Variants in CLVS1 observed in about 807,000 individuals in gnomAD.
CLVS1 encodes the protein clavesin 1.
CLVS1 carries 10 observed loss-of-function variants against 33.1 expected under a neutral mutation model. The observed-to-expected ratio is 0.30, with a 90% CI of 0.19 to 0.51. CLVS1 has a LOEUF of 0.51. Ranked by LOEUF, CLVS1 falls within the 20% of genes least tolerant of loss-of-function variation. The pLI is 0.97. For missense variants in CLVS1, 343 were observed against 433.4 expected (o/e 0.79, Z 1.85); for synonymous variants, 163 against 166.1 (o/e 0.98, Z 0.14).
intron 2 of CLVS1, among the ~76,000 whole-genome samples, chr8:61,276,835 A>AG (rs765286856): frequency 1.2e-4 from 18 of 152,234 alleles, no homozygotes; most frequent in Non-Finnish European, 2.4e-4. Flanking sequence ...TGGGAGGGTC[A>AG]GGGAGGACAA....
At chr8:61,251,693 A>T (rs1043930427) in intron 2 of CLVS1, among the ~76,000 whole-genome samples, 1 of 151,984 alleles carries the variant, frequency 6.6e-6, no homozygotes, top group African/African-American at 2.4e-5. Context: ...TTTCTAGTTT[A>T]TTTGCATAGA....
chr8:61,202,512 G>A (rs995070711), intron 2 of CLVS1: 17 of 1,008,304 alleles, frequency 1.7e-5, no homozygotes, highest in African/African-American at 6.3e-5. Context: ...CTGGTGCAAA[G>A]GATGAATTGC....
intron 3 of CLVS1, among the ~76,000 whole-genome samples, chr8:61,431,360 T>A (rs772200292): frequency 3.3e-5 from 5 of 152,238 alleles, no homozygotes; most frequent in Non-Finnish European, 7.3e-5. Flanking sequence ...TCCCTTTGTC[T>A]CCCAAGAGGA....
the CLVS1 span, among the ~76,000 whole-genome samples, chr8:61,034,720 G>A: frequency 1.9e-4 from 29 of 152,172 alleles, no homozygotes; most frequent in African/African-American, 4.8e-5. Context: ...AAAACTCTGA[G>A]TGAGATTTTA....
chr8:61,216,581 T>C (rs1808092944), intron 2 of CLVS1, among the ~76,000 whole-genome samples: 1 of 152,220 alleles, frequency 6.6e-6, no homozygotes, highest in Non-Finnish European at 1.5e-5. Context: ...ACCAGATTTA[T>C]TTCATTACCT....
intron 2 of CLVS1, among the ~76,000 whole-genome samples, chr8:61,365,774 T>C (rs972236269): frequency 1.9e-4 from 26 of 134,594 alleles, no homozygotes; most frequent in South Asian, 8.4e-4. Context: ...TGTGTGTGTG[T>C]GCGTGTGTGT....
chr8:61,465,067 T>C (rs1994852), intron 5 of CLVS1: 133,534 of 152,390 alleles, frequency 0.88, 58,672 homozygotes, highest in Middle Eastern at 0.92. Context: ...TTGCACCGTC[T>C]AGAGACAGGC....
intron 2 of CLVS1, among the ~76,000 whole-genome samples, chr8:61,201,152 CA>C (rs942589800): frequency 1.3e-5 from 2 of 151,996 alleles, no homozygotes; most frequent in African/African-American, 2.4e-5. Flanking sequence ...ATAAATCAAA[CA>C]AAAAAGTTTT....
At chr8:61,485,965 G>A (rs1803865116) in intron 5 of CLVS1, among the ~76,000 whole-genome samples, 1 of 152,092 alleles carries the variant, frequency 6.6e-6, no homozygotes, top group African/African-American at 2.4e-5. Context: ...GGGCAGTGGG[G>A]AGGGATAGCA....
chr8:61,046,070 A>G, the CLVS1 span, among the ~76,000 whole-genome samples: 26 of 151,038 alleles, frequency 1.7e-4, 1 homozygote, highest in Admixed American at 5.3e-4. Context: ...GCCCATGCCT[A>G]TGTCCTGAAT....
chr8:61,134,098 A>G (rs1459181158), intron 2 of CLVS1, among the ~76,000 whole-genome samples: 1 of 152,182 alleles, frequency 6.6e-6, no homozygotes, highest in East Asian at 1.9e-4. Flanking sequence ...CTGGGTGTAT[A>G]GTGGAGCCCC....
chr8:60,967,865 G>A, the CLVS1 span: 1 of 341,600 alleles, frequency 2.9e-6, no homozygotes, highest in South Asian at 2.2e-5. Context: ...GTTTTAAAGT[G>A]ACAATCCTAC....
chr8:61,096,456 AAAAAG>A (rs1170304146), intron 1 of CLVS1, among the ~76,000 whole-genome samples: 49 of 152,374 alleles, frequency 3.2e-4, no homozygotes, highest in African/African-American at 1.1e-3. Flanking sequence ...TTTAGAATAC[AAAAAG>A]AAAACCCCAT....
chr8:61,384,726 G>A (rs764766250), intron 3 of CLVS1, among the ~76,000 whole-genome samples: 1 of 152,148 alleles, frequency 6.6e-6, no homozygotes, highest in Non-Finnish European at 1.5e-5. Context: ...GGTTTAGGAT[G>A]GATCCATAGA....
At chr8:61,401,934 T>C (rs911756735) in intron 3 of CLVS1, among the ~76,000 whole-genome samples, 1 of 152,164 alleles carries the variant, frequency 6.6e-6, no homozygotes, top group Non-Finnish European at 1.5e-5. Context: ...GCACATATTT[T>C]CATGCTAGAA....
intron 5 of CLVS1, among the ~76,000 whole-genome samples, chr8:61,494,381 A>G (rs945560961): frequency 2.0e-5 from 3 of 152,170 alleles, no homozygotes; most frequent in Non-Finnish European, 4.4e-5. Context: ...AGAGTTGCCT[A>G]CTACACCACT....
intron 3 of CLVS1, among the ~76,000 whole-genome samples, chr8:61,423,628 A>C (rs990902306): frequency 2.6e-5 from 4 of 152,202 alleles, no homozygotes; most frequent in African/African-American, 9.7e-5. Flanking sequence ...AGGATGTGTC[A>C]AAAAATAAGT....
At chr8:61,457,142 G>A (rs1289261487) in intron 4 of CLVS1, among the ~76,000 whole-genome samples, 5 of 151,826 alleles carry the variant, frequency 3.3e-5, no homozygotes, top group Admixed American at 6.6e-5. Flanking sequence ...TCAACATGTT[G>A]GCCAGGCTGG....
Position 61,408,588 on chromosome 8 carries a change from G to A in CLVS1, c.630+31809G>A, listed in dbSNP as rs1815088436. Among the ~76,000 whole-genome samples the A allele has an allele frequency of 2.0e-5, 3 of 152,134 alleles. No homozygotes were observed. In the South Asian group the frequency reaches 6.2e-4, roughly 32 times the overall value. ...GTTTTATCTACTTAGCTGTATTTAG[G>A]AGTTCTTATATTTTACATGGAAGCA... On this transcript the variant is annotated intron_variant, in intron 3 of 5. Coordinates refer to ENST00000325897, the MANE Select transcript of CLVS1 (RefSeq NM_173519.3).
Sources: allele counts gnomAD v4.1 joint callset (sites outside exome capture counted in the v4.1 genomes callset), GRCh38; gene constraint gnomAD v4.1.1; transcripts MANE v1.5; gene names NCBI Gene and HGNC (gene_info 2026-07-23, HGNC 2026-07-21).